Variants in DOCK3 observed in about 807,000 individuals in gnomAD.
The protein encoded by DOCK3 is dedicator of cytokinesis 3.
A neutral mutation model predicts 265.6 loss-of-function variants in DOCK3; 60 were observed. The observed-to-expected ratio is 0.23, with a 90% CI of 0.18 to 0.28. The LOEUF (loss-of-function observed/expected upper bound fraction) is 0.28, where lower values mean the gene tolerates loss of function less well. Ranked by LOEUF, DOCK3 falls within the 10% of genes least tolerant of loss-of-function variation. The pLI, the probability that DOCK3 is intolerant of heterozygous loss-of-function variation, is 1.00. For missense variants in DOCK3, 1,981 were observed against 2,594.3 expected, an observed-to-expected ratio of 0.76 and a Z score of 5.14; for synonymous variants, 881 against 938.0, an observed-to-expected ratio of 0.94 and a Z score of 1.11.
chr3:50,799,492 C>G (rs751868049), intron 2 of DOCK3, among the ~76,000 whole-genome samples: 1 of 151,826 alleles, frequency 6.6e-6, no homozygotes, highest in African/African-American at 2.4e-5. Context: ...GGATTGCCTT[C>G]TTCATTTTTT....
At chr3:51,353,427 C>T (rs944557127) in intron 40 of DOCK3, among the ~76,000 whole-genome samples, 2 of 152,158 alleles carry the variant, frequency 1.3e-5, no homozygotes, top group African/African-American at 4.8e-5. Flanking sequence ...GCCTGGCCAA[C>T]ATGGTGAAAC....
At chr3:50,970,932 TATATATATATATATAA>T (rs2077200862) in intron 5 of DOCK3, among the ~76,000 whole-genome samples, 1 of 75,458 alleles carries the variant, frequency 1.3e-5, no homozygotes, top group Non-Finnish European at 2.6e-5. Flanking sequence ...TATATATATA[TATATATATATATATAA>T]TGTGTGTGTG....
chr3:50,768,542 C>G (rs926373509), intron 1 of DOCK3, among the ~76,000 whole-genome samples: 1 of 152,150 alleles, frequency 6.6e-6, no homozygotes, highest in African/African-American at 2.4e-5. Flanking sequence ...AAACGTAATC[C>G]AGCATATAAA....
At chr3:51,103,971 G>A (rs2083180769) in intron 9 of DOCK3, among the ~76,000 whole-genome samples, 1 of 152,126 alleles carries the variant, frequency 6.6e-6, no homozygotes, top group African/African-American at 2.4e-5. Flanking sequence ...TATGCGACAT[G>A]TTCAATTATT....
In DOCK3 at chr3:51,142,640, G is replaced by C. The variant is rs1328165561; in HGVS notation, c.747-3909G>C. Among the ~76,000 whole-genome samples, 15 of 151,914 alleles carry C rather than the reference G, an allele frequency of 9.9e-5. 1 individual carries two copies. The highest frequency in any genetic ancestry group is 9.8e-4 in the Admixed American group (15 of 15,244). The stretch of plus-strand genomic sequence containing the variant: ...TCATTTATCCCCCTGATGGATATTT[G>C]GGTTCTTACATGTTTTGGCCATTGT... On this transcript the variant is annotated intron_variant, in intron 9 of 52. Transcript: ENST00000266037.
At chr3:50,913,991 GGACAGTT>G (rs1408469113) in intron 4 of DOCK3, among the ~76,000 whole-genome samples, 1 of 151,950 alleles carries the variant, frequency 6.6e-6, no homozygotes, top group Admixed American at 6.6e-5. Flanking sequence ...TGCGGGGAGA[GGACAGTT>G]GATGGAGCCT....
intron 2 of DOCK3, chr3:50,787,037 T>G (rs894478768): frequency 1.4e-6 from 1 of 739,490 alleles, no homozygotes; most frequent in African/African-American, 1.7e-5. Context: ...ACAGGAAAAT[T>G]TCTTTTCTTC....
chr3:51,263,270 A>G (rs1282239547), intron 23 of DOCK3, among the ~76,000 whole-genome samples: 1 of 152,238 alleles, frequency 6.6e-6, no homozygotes, highest in African/African-American at 2.4e-5. Flanking sequence ...AATATTCAAC[A>G]TTCTTAAAGA....
intron 1 of DOCK3, chr3:50,685,786 C>T: frequency 5.0e-6 from 1 of 199,068 alleles, no homozygotes. Context: ...GGCTCAAGGG[C>T]TGTCCATGGC....
intron 5 of DOCK3, among the ~76,000 whole-genome samples, chr3:50,937,961 T>A (rs1378872484): frequency 9.2e-5 from 14 of 152,000 alleles, no homozygotes; most frequent in Non-Finnish European, 7.4e-5. Context: ...AAAAACTATA[T>A]GTTGTTTATA....
At chr3:50,909,716 G>A (rs2049763578) in intron 4 of DOCK3, among the ~76,000 whole-genome samples, 2 of 149,398 alleles carry the variant, frequency 1.3e-5, no homozygotes, top group African/African-American at 5.0e-5. Context: ...TCTTCTTGTG[G>A]AGTATCTTAC....
chr3:51,313,027 T>C, intron 31 of DOCK3, 125 bp downstream of exon 31: 1 of 847,916 alleles, frequency 1.2e-6, no homozygotes, highest in Non-Finnish European at 1.9e-6. Context: ...TTACATATCT[T>C]TCACATAACA....
At chr3:51,377,556 C>T (rs868425459) in intron 51 of DOCK3, among the ~76,000 whole-genome samples, 12 of 152,192 alleles carry the variant, frequency 7.9e-5, no homozygotes, top group South Asian at 4.1e-4. Flanking sequence ...GGGAGGGAGG[C>T]GACAGGATAC....
chr3:51,121,364 A>G (rs564004362), intron 9 of DOCK3, among the ~76,000 whole-genome samples: 1 of 152,250 alleles, frequency 6.6e-6, no homozygotes, highest in South Asian at 2.1e-4. Flanking sequence ...TAGTACCTCA[A>G]TTGGAAATGC....
rs745339219 is a variant in DOCK3, at chr3:50,702,439, C to T, written c.37+27139C>T. On this transcript the variant is annotated intron_variant, in intron 1 of 52. Coordinates refer to ENST00000266037, the MANE Select transcript of DOCK3 (RefSeq NM_004947.5). ...AGTGCAGTGGCGCAATCTCGGCACACTGCAACCTCCGCCTGCTGAGTTCAA... is the reference window on the plus strand; with the variant it reads ...AGTGCAGTGGCGCAATCTCGGCACATTGCAACCTCCGCCTGCTGAGTTCAA... 2.0e-5 allele frequency among the ~76,000 whole-genome samples: 3 copies of T among 152,130 alleles called. 1 individual carries two copies. Among genetic ancestry groups the T allele is most frequent in the Non-Finnish European group, 4.4e-5 (3 of 68,026 alleles).
chr3:50,998,044 A>G (rs1323921225), intron 5 of DOCK3, among the ~76,000 whole-genome samples: 2 of 152,214 alleles, frequency 1.3e-5, no homozygotes, highest in East Asian at 3.8e-4. Context: ...GATGAGTAAT[A>G]TACTTTTTGA....
chr3:50,978,196 T>A (rs7634252), intron 5 of DOCK3, among the ~76,000 whole-genome samples: 124,020 of 147,356 alleles, frequency 0.84, 52,797 homozygotes, highest in East Asian at 0.95. Context: ...AGGAACTGCG[T>A]TCCTTTGGAG....
chr3:50,695,437 A>G (rs2035550915), intron 1 of DOCK3, among the ~76,000 whole-genome samples: 1 of 152,178 alleles, frequency 6.6e-6, no homozygotes, highest in Admixed American at 6.6e-5. Flanking sequence ...CAAAAGCCAA[A>G]TTTTATACCC....
chr3:50,899,448 T>A (rs1361807750), intron 4 of DOCK3, among the ~76,000 whole-genome samples: 1 of 152,232 alleles, frequency 6.6e-6, no homozygotes, highest in African/African-American at 2.4e-5. Context: ...AGTCTGTGTC[T>A]TTTAATTGGG....
Sources: gnomAD v4.1 joint callset for allele counts (sites outside exome capture counted in the v4.1 genomes callset) on GRCh38, gnomAD v4.1.1 for gene constraint, MANE v1.5 for transcripts, NCBI Gene and HGNC (gene_info 2026-07-23, HGNC 2026-07-21) for gene names.